CCL26: variants seen among roughly 807,000 people sequenced by gnomAD.
CCL26 encodes the protein C-C motif chemokine ligand 26.
CCL26 carries 10 observed loss-of-function variants against 10.7 expected under a neutral mutation model. The observed-to-expected ratio is 0.93, with a 90% CI of 0.57 to 1.58. The LOEUF (loss-of-function observed/expected upper bound fraction) is 1.58, where lower values mean the gene tolerates loss of function less well. Ranked by LOEUF, CCL26 falls within the 40% of genes most tolerant of loss-of-function variation. The pLI, the probability that CCL26 is intolerant of heterozygous loss-of-function variation, is 0.00. For synonymous variants in CCL26, 43 were observed against 41.4 expected (o/e 1.04, Z -0.15); for missense variants, 116 against 111.0 (o/e 1.05, Z -0.20).
rs60039632 is a variant in CCL26, at chr7:75,777,721, GAAA to G, written c.-78-5470_-78-5468del. On this transcript the variant is annotated intron_variant, in intron 1 of 3. Coordinates refer to the CCL26 transcript ENST00000394905. ...CCCAACAGAGTGAGATCCTGTCTCA[GAAA>G]AAAAAAAAAAAAAAAAAAGCAGCAG... Among the ~76,000 whole-genome samples the G allele has an allele frequency of 5.6e-3, 341 of 60,548 alleles. 7 individuals carry two copies. Among genetic ancestry groups the G allele is most frequent in the Middle Eastern group, 0.04 (2 of 50 alleles). The allele number at this position is 60,548 out of a possible 152,430, so 39.7% of individuals were successfully genotyped here.
intron 1 of CCL26, among the ~76,000 whole-genome samples, chr7:75,779,404 T>G (rs1554529159): frequency 6.6e-6 from 1 of 152,190 alleles, no homozygotes; most frequent in Non-Finnish European, 1.5e-5. Flanking sequence ...ACCTATGACC[T>G]CAGGTCCTCA....
chr7:75,771,503 A>G (rs75830299), intron 2 of CCL26, among the ~76,000 whole-genome samples: 1 of 152,020 alleles, frequency 6.6e-6, no homozygotes, highest in Non-Finnish European at 1.5e-5. Flanking sequence ...GGCAAATCAC[A>G]TGAGCTCAGA....
upstream of CCL26, among the ~76,000 whole-genome samples, chr7:75,790,906 T>G (rs1803315791): frequency 6.7e-6 from 1 of 148,860 alleles, no homozygotes; most frequent in Middle Eastern, 3.2e-3. Context: ...ATTACGCCAC[T>G]GCACTCCGGC....
At chr7:75,772,975 G>T (rs11465325), upstream of CCL26, among the ~76,000 whole-genome samples, 1,686 of 152,278 alleles carry the variant, frequency 0.011, 33 homozygotes, top group African/African-American at 0.038. Flanking sequence ...GCTTATCTCT[G>T]TGTGGAGCTC....
At chr7:75,782,756 T>A (rs1047181355) in intron 1 of CCL26, among the ~76,000 whole-genome samples, 1 of 152,170 alleles carries the variant, frequency 6.6e-6, no homozygotes, top group Non-Finnish European at 1.5e-5. Flanking sequence ...CTGAGGTGCC[T>A]GACGTCCAGG....
upstream of CCL26, among the ~76,000 whole-genome samples, chr7:75,776,491 C>T (rs1244514064): frequency 2.9e-5 from 4 of 139,442 alleles, no homozygotes; most frequent in Admixed American, 7.8e-5. Flanking sequence ...CAGTGAGCTA[C>T]GATTGCATCA....
intron 1 of CCL26, among the ~76,000 whole-genome samples, chr7:75,783,316 A>G (rs1414642303): frequency 1.3e-5 from 2 of 152,016 alleles, no homozygotes; most frequent in African/African-American, 2.4e-5. Flanking sequence ...CTCTAGCCCA[A>G]TCTCACACTG....
chr7:75,770,886 A>G (rs1418909597), intron 2 of CCL26, among the ~76,000 whole-genome samples: 1 of 152,102 alleles, frequency 6.6e-6, no homozygotes, highest in Non-Finnish European at 1.5e-5. Context: ...TATAATTCAC[A>G]CGGCACATAC....
In CCL26 at chr7:75,783,366, T is replaced by C. The variant is rs1288408520; in HGVS notation, c.-79+6351A>G. Reference sequence around the variant, plus strand: ...CACGAGCCAGACCTCCAGGAAGTTATTAGAGCAGTTCCCCTAGGAGATCCA... The same window carrying C: ...CACGAGCCAGACCTCCAGGAAGTTACTAGAGCAGTTCCCCTAGGAGATCCA... On this transcript the variant is annotated intron_variant, in intron 1 of 3. Transcript: ENST00000394905. Among the ~76,000 whole-genome samples, 12 of 152,124 alleles carry C rather than the reference T, an allele frequency of 7.9e-5. 1 individual carries two copies. Among genetic ancestry groups the C allele is most frequent in the African/African-American group, 2.4e-4 (10 of 41,412 alleles).
intron 1 of CCL26, among the ~76,000 whole-genome samples, chr7:75,781,238 C>A (rs1252879220): frequency 2.0e-5 from 3 of 152,230 alleles, no homozygotes; most frequent in Admixed American, 1.3e-4. Flanking sequence ...ACTTAATTAA[C>A]CTTGCCTTCA....
At chr7:75,779,775 G>A (rs1040222743) in intron 1 of CCL26, among the ~76,000 whole-genome samples, 13 of 152,212 alleles carry the variant, frequency 8.5e-5, no homozygotes, top group African/African-American at 3.1e-4. Flanking sequence ...TTGGTGGCAA[G>A]TCAATTGCAG....
rs545912811 is a variant in CCL26 at position 75,786,339 on chromosome 7, A to G, written c.-79+3378T>C. The stretch of plus-strand genomic sequence containing the variant: ...CTCACCAAAAAAGGCAGGCTATGCT[A>G]TAGTATCTTCCACATCTATCATTGA... On this transcript the variant is annotated intron_variant, in intron 1 of 3. Coordinates refer to the CCL26 transcript ENST00000394905. 3.9e-5 allele frequency among the ~76,000 whole-genome samples: 6 copies of G among 152,268 alleles called. No homozygotes were observed. The South Asian group carries it at 1.2e-3, about 32-fold the overall frequency.
intron 1 of CCL26, among the ~76,000 whole-genome samples, chr7:75,781,761 C>T (rs1554529490): frequency 6.6e-6 from 1 of 151,998 alleles, no homozygotes; most frequent in Non-Finnish European, 1.5e-5. Flanking sequence ...CAGAGAACAA[C>T]CCCCTTTGAC....
chr7:75,775,958 C>T (rs548525563), upstream of CCL26, among the ~76,000 whole-genome samples: 33 of 151,652 alleles, frequency 2.2e-4, no homozygotes, highest in South Asian at 6.9e-3. Context: ...CACCACCCTC[C>T]ATGGCCTTCT....
chr7:75,788,257 A>G (rs1438515946), intron 1 of CCL26, among the ~76,000 whole-genome samples: 1 of 152,178 alleles, frequency 6.6e-6, no homozygotes, highest in Non-Finnish European at 1.5e-5. Flanking sequence ...GAATCACAAA[A>G]GAAGTGAAAA....
upstream of CCL26, among the ~76,000 whole-genome samples, chr7:75,776,592 G>A (rs1210814826): frequency 1.3e-5 from 2 of 150,228 alleles, no homozygotes; most frequent in Non-Finnish European, 3.0e-5. Flanking sequence ...AAGAAGGAAA[G>A]CAAGCAAGAA....
At chr7:75,776,638 A>AAT (rs1554528771), upstream of CCL26, among the ~76,000 whole-genome samples, 1 of 151,982 alleles carries the variant, frequency 6.6e-6, no homozygotes, top group African/African-American at 2.4e-5. Flanking sequence ...AAAGAAAGAT[A>AAT]ATGGCTGAGG....
chr7:75,791,013 C>CTTTTTTTTT (rs35608337), upstream of CCL26, among the ~76,000 whole-genome samples: 3 of 134,356 alleles, frequency 2.2e-5, no homozygotes, highest in African/African-American at 2.8e-5. Context: ...GAAACTCCTC[C>CTTTTTTTTT]TTTTTTTTTT....
rs539700158 is a variant in CCL26, at chr7:75,786,556, A to G, written c.-79+3161T>C. Among the ~76,000 whole-genome samples the G allele has an allele frequency of 2.7e-5, 4 of 149,878 alleles. No individual in the cohort carries two copies. In the East Asian group the frequency reaches 7.7e-4, roughly 29 times the overall value. ...CCTCCATCATTAATGCCTCTTTAAT[A>G]AAAACTCTTCTCAAGGCCGCTTTAC... On this transcript the variant is annotated intron_variant, in intron 1 of 3. Coordinates refer to the CCL26 transcript ENST00000394905.
Sources: gnomAD v4.1 joint callset for allele counts (sites outside exome capture counted in the v4.1 genomes callset) on GRCh38, gnomAD v4.1.1 for gene constraint, MANE v1.5 for transcripts, NCBI Gene and HGNC (gene_info 2026-07-23, HGNC 2026-07-21) for gene names.